Variants in ENPP4 observed in about 807,000 individuals in gnomAD.
ENPP4 encodes the protein ectonucleotide pyrophosphatase/phosphodiesterase 4.
A neutral mutation model predicts 33.4 loss-of-function variants in ENPP4; 18 were observed. The observed-to-expected ratio is 0.54, with a 90% CI of 0.37 to 0.80. The LOEUF (loss-of-function observed/expected upper bound fraction) is 0.80, where lower values mean the gene tolerates loss of function less well. ENPP4 is among the 30% of genes least tolerant of loss of function. ENPP4 has a pLI of 0.00. For missense variants in ENPP4, 480 were observed against 541.7 expected (o/e 0.89, Z 1.13); for synonymous variants, 172 against 189.9 (o/e 0.91, Z 0.78).
chr6:46,135,945 T>TA (rs754328258), intron 1 of ENPP4, among the ~76,000 whole-genome samples: 4 of 152,046 alleles, frequency 2.6e-5, no homozygotes, highest in Admixed American at 6.6e-5. Flanking sequence ...CTCTTAGAGG[T>TA]AAATCTACTG....
At position 46,144,761 on chromosome 6, in the gene ENPP4, A is replaced by G. The variant is rs1429461343; in HGVS notation, c.*1121A>G. Reference sequence around the variant, plus strand: ...CTTTATGCCTTACTTTTTAGGCTATAGAATAGTTAAGAAATTTTAAACAAA... The same window carrying G: ...CTTTATGCCTTACTTTTTAGGCTATGGAATAGTTAAGAAATTTTAAACAAA... On this transcript the variant is annotated 3_prime_UTR_variant, in exon 4 of 4. Coordinates refer to ENST00000321037, the MANE Select transcript of ENPP4 (RefSeq NM_014936.5). 1.3e-5 allele frequency: 5 copies of G among 382,648 alleles called. No individual in the cohort carries two copies. Among genetic ancestry groups the G allele is most frequent in the Admixed American group, 9.0e-5 (2 of 22,298 alleles). The allele number at this position is 382,648 out of a possible 1,614,324, so 23.7% of individuals were successfully genotyped here.
At position 46,146,216 on chromosome 6, in the gene ENPP4, G is replaced by A. The variant is rs1275169395; in HGVS notation, c.*2576G>A. ...CTGTTATTTATATGCAATTCTTCTG[G>A]TAAATAGCAATAGAATAAAACATAT... On this transcript the variant is annotated 3_prime_UTR_variant, in exon 4 of 4. Transcript: ENST00000321037. The A allele has an allele frequency of 1.6e-4, 25 of 152,178 alleles. No homozygotes were observed. The highest frequency in any genetic ancestry group is 2.9e-5 in the Non-Finnish European group (2 of 67,810). The allele number at this position is 152,178 out of a possible 1,614,324, so 9.4% of individuals were successfully genotyped here.
In ENPP4 at chr6:46,141,033, G is replaced by A. The variant is rs1245826807; in HGVS notation, c.827-19G>A. ...TCAATCATAACTTGTTTCCTTTGCT[G>A]TTTCTTTTTTTTTCTCAGATAGAAC... On this transcript the variant is annotated intron_variant, in intron 2 of 3. Transcript: ENST00000321037. 6.5e-7 allele frequency: 1 copy of A among 1,527,962 alleles called. No individual in the cohort carries two copies. Among genetic ancestry groups the A allele is most frequent in the South Asian group, 1.2e-5 (1 of 80,710 alleles). The allele number at this position is 1,527,962 out of a possible 1,614,324, so 94.7% of individuals were successfully genotyped here.
intron 1 of ENPP4, among the ~76,000 whole-genome samples, chr6:46,138,589 C>T (rs971893600): frequency 1.3e-5 from 2 of 151,918 alleles, no homozygotes; most frequent in Non-Finnish European, 2.9e-5. Flanking sequence ...CTCTCTTCAC[C>T]TCCAGCCCTC....
At chr6:46,141,263 C>T in intron 3 of ENPP4, 41 bp downstream of exon 3, 2 of 1,419,572 alleles carry the variant, frequency 1.4e-6, no homozygotes, top group Non-Finnish European at 2.0e-6. Context: ...ATCCTAGGAA[C>T]AAATCATACC....
At position 46,145,332 on chromosome 6, in the gene ENPP4, C is replaced by T. The variant is rs1189871803; in HGVS notation, c.*1692C>T. ...TCAAACCCTGTATAAATAATCCATG[C>T]TGTTGGTCATAAGTTAACTGTATTA... On this transcript the variant is annotated 3_prime_UTR_variant, in exon 4 of 4. Transcript: ENST00000321037. 1.2e-5 allele frequency: 2 copies of T among 172,914 alleles called. No individual in the cohort carries two copies. The highest frequency in any genetic ancestry group is 4.7e-5 in the African/African-American group (2 of 42,300). The allele number at this position is 172,914 out of a possible 1,614,324, so 10.7% of individuals were successfully genotyped here.
chr6:46,140,483 A>G (rs1764043398), intron 2 of ENPP4, 74 bp downstream of exon 2: 1 of 871,666 alleles, frequency 1.1e-6, no homozygotes, highest in Non-Finnish European at 1.8e-6. Context: ...GTTGTATAAA[A>G]GAATGAAGCT....
In ENPP4 at chr6:46,136,554, G is replaced by A. The variant is rs139046646; in HGVS notation, c.-33-2997G>A. ...TGGTGAATGGAAATTCAAGTTGGCA[G>A]TTATTTCTGTATTTATTTCACAGTA... On this transcript the variant is annotated intron_variant, in intron 1 of 3. Transcript: ENST00000321037. Among the ~76,000 whole-genome samples, 52 of 152,110 alleles carry A rather than the reference G, an allele frequency of 3.4e-4. No homozygotes were observed. In the East Asian group the frequency reaches 8.9e-3, roughly 26 times the overall value.
At chr6:46,138,587 A>G (rs1764009444) in intron 1 of ENPP4, among the ~76,000 whole-genome samples, 1 of 151,326 alleles carries the variant, frequency 6.6e-6, no homozygotes, top group South Asian at 2.1e-4. Context: ...AACTCTCTTC[A>G]CCTCCAGCCC....
intron 1 of ENPP4, among the ~76,000 whole-genome samples, chr6:46,137,367 G>T (rs572916501): frequency 6.6e-6 from 1 of 151,778 alleles, no homozygotes; most frequent in Non-Finnish European, 1.5e-5. Context: ...TTTGGATATG[G>T]GGAACTATAC....
intron 1 of ENPP4, among the ~76,000 whole-genome samples, chr6:46,136,621 T>C (rs1333932415): frequency 2.0e-5 from 3 of 151,988 alleles, no homozygotes; most frequent in Non-Finnish European, 4.4e-5. Context: ...GGGGCTTCAA[T>C]GTGAGACTGA....
chr6:46,138,749 T>C (rs1216834250), intron 1 of ENPP4, among the ~76,000 whole-genome samples: 1 of 151,918 alleles, frequency 6.6e-6, no homozygotes, highest in African/African-American at 2.4e-5. Context: ...GGGAGATTTA[T>C]TAGGGAAAAG....
chr6:46,134,857 C>G (rs530949293), intron 1 of ENPP4, among the ~76,000 whole-genome samples: 1 of 151,952 alleles, frequency 6.6e-6, no homozygotes, highest in Non-Finnish European at 1.5e-5. Flanking sequence ...CATTTCCCCC[C>G]CAACCCCTGG....
chr6:46,144,243 A>T lies in ENPP4; in HGVS notation c.*603A>T, dbSNP rs186418464. Reference sequence around the variant, plus strand: ...TATTTTAAGGAAACCTATTTGAAAAAAAAAGCAAAGACCATTTGATAAAAG... The same window carrying T: ...TATTTTAAGGAAACCTATTTGAAAATAAAAGCAAAGACCATTTGATAAAAG... On this transcript the variant is annotated 3_prime_UTR_variant, in exon 4 of 4. Transcript: ENST00000321037. 6.6e-6 allele frequency: 1 copy of T among 151,858 alleles called. No individual in the cohort carries two copies. The allele number at this position is 151,858 out of a possible 1,614,324, so 9.4% of individuals were successfully genotyped here.
intron 3 of ENPP4, among the ~76,000 whole-genome samples, chr6:46,142,358 ATAATAT>A (rs1008045525): frequency 1.4e-5 from 2 of 140,206 alleles, no homozygotes; most frequent in African/African-American, 5.2e-5. Context: ...TGTAATATAT[ATAATAT>A]ATATAATGTA....
intron 3 of ENPP4, among the ~76,000 whole-genome samples, chr6:46,142,665 A>C (rs558155288): frequency 1.0e-3 from 158 of 151,460 alleles, no homozygotes; most frequent in African/African-American, 3.1e-3. Flanking sequence ...TATTAAATAC[A>C]ACGGGTGTAC....
chr6:46,141,230 T>C lies in ENPP4; in HGVS notation c.997+8T>C, dbSNP rs1581956603. 3.8e-6 allele frequency: 6 copies of C among 1,599,658 alleles called. No homozygotes were observed. In the East Asian group the frequency reaches 1.3e-4, roughly 36 times the overall value. Reference sequence around the variant, plus strand: ...ATGAATCATCACAAAAATGTAAGTATTTAGTTGAGATATTTCTGTTGTATC... The same window carrying C: ...ATGAATCATCACAAAAATGTAAGTACTTAGTTGAGATATTTCTGTTGTATC... On this transcript the variant is annotated splice_region_variant and intron_variant, in intron 3 of 3. Transcript: ENST00000321037.
chr6:46,141,129 A>G lies in ENPP4; in HGVS notation c.904A>G (p.Arg302Gly). The G allele has an allele frequency of 6.2e-7, 1 of 1,608,378 alleles. No homozygotes were observed. The highest frequency in any genetic ancestry group is 8.5e-7 in the Non-Finnish European group (1 of 1,175,816). ...NVYLKEDIPN[R>G]FYYQHNDRIQ... is the part of the protein sequence containing the mutation. Reference sequence around the variant, plus strand: ...TTATCTCAAAGAAGACATTCCTAACAGATTTTATTACCAACATAATGATCG... The same window carrying G: ...TTATCTCAAAGAAGACATTCCTAACGGATTTTATTACCAACATAATGATCG... Residue 302 changes from arginine (R) to glycine (G), a missense_variant, in exon 3 of 4, where the codon AGA (arginine) becomes GGA (glycine). Physicochemically the swap from Arg to Gly is moderately radical, Grantham distance 125. Coordinates refer to ENST00000321037, the MANE Select transcript of ENPP4 (RefSeq NM_014936.5).
chr6:46,131,406 A>G (rs984450157), intron 1 of ENPP4, among the ~76,000 whole-genome samples: 7 of 149,836 alleles, frequency 4.7e-5, no homozygotes, highest in Non-Finnish European at 7.4e-5. Context: ...GAGAATATGC[A>G]GTGTTTGGTT....
Sources: gnomAD v4.1 joint callset for allele counts (sites outside exome capture counted in the v4.1 genomes callset) on GRCh38, gnomAD v4.1.1 for gene constraint, MANE v1.5 for transcripts, NCBI Gene and HGNC (gene_info 2026-07-23, HGNC 2026-07-21) for gene names.